PAK5: variants seen among roughly 807,000 people sequenced by gnomAD.
PAK5 encodes p21 (RAC1) activated kinase 5.
Under a neutral mutation model 65.9 loss-of-function variants are expected in PAK5, and 16 were observed. That is an observed-to-expected ratio of 0.24 (90% confidence interval 0.16 to 0.37). The LOEUF (loss-of-function observed/expected upper bound fraction) is 0.37, where lower values mean the gene tolerates loss of function less well. PAK5 is among the 10% of genes least tolerant of loss of function. PAK5 has a pLI of 1.00. For missense variants in PAK5, 785 were observed against 903.9 expected, an observed-to-expected ratio of 0.87 and a Z score of 1.69; for synonymous variants, 371 against 354.9, an observed-to-expected ratio of 1.05 and a Z score of -0.51.
In PAK5 at chr20:9,600,434, C is replaced by T. The variant is rs541411074; in HGVS notation, c.205-19504G>A. 9.2e-5 allele frequency among the ~76,000 whole-genome samples: 14 copies of T among 152,268 alleles called. No individual in the cohort carries two copies. In the East Asian group the frequency reaches 1.5e-3, roughly 17 times the overall value. On this transcript the variant is annotated intron_variant, in intron 3 of 9. Transcript: ENST00000353224. ...TTGGATTGAACCTATGGATGACTTT[C>T]GTAGCATTTTCACCTTAACAATATT... is the stretch of plus-strand genomic sequence containing the variant.
intron 1 of PAK5, among the ~76,000 whole-genome samples, chr20:9,747,458 C>A (rs922100404): frequency 6.6e-6 from 1 of 151,562 alleles, no homozygotes. Context: ...CAAACCGAAT[C>A]CAGCAGCACA....
intron 2 of PAK5, among the ~76,000 whole-genome samples, chr20:9,685,159 T>C (rs1036109433): frequency 6.6e-6 from 1 of 152,334 alleles, no homozygotes; most frequent in East Asian, 1.9e-4. Flanking sequence ...GAGTATCTTT[T>C]TAAGCATTTT....
At chr20:9,671,907 A>T (rs1300445407) in intron 2 of PAK5, among the ~76,000 whole-genome samples, 5 of 152,128 alleles carry the variant, frequency 3.3e-5, no homozygotes, top group African/African-American at 1.2e-4. Context: ...GGTACCCCTG[A>T]CTTTAAAATA....
chr20:9,771,244 A>T (rs1164495100), intron 1 of PAK5, among the ~76,000 whole-genome samples: 3 of 152,124 alleles, frequency 2.0e-5, no homozygotes, highest in African/African-American at 4.8e-5. Flanking sequence ...TCACTTTTTG[A>T]TAGAGAACAT....
chr20:9,541,288 T>C (rs1169840423), intron 9 of PAK5, among the ~76,000 whole-genome samples: 8 of 152,170 alleles, frequency 5.3e-5, no homozygotes, highest in Admixed American at 5.2e-4. Flanking sequence ...GTAGTAGTCC[T>C]GCAGAAATGA....
intron 1 of PAK5, among the ~76,000 whole-genome samples, chr20:9,804,081 A>G (rs1409709189): frequency 6.6e-6 from 1 of 152,128 alleles, no homozygotes; most frequent in Admixed American, 6.6e-5. Flanking sequence ...GTGGATCATC[A>G]TCATTACCTG....
chr20:9,597,024 T>C (rs1470754545), intron 3 of PAK5, among the ~76,000 whole-genome samples: 1 of 152,216 alleles, frequency 6.6e-6, no homozygotes, highest in Admixed American at 6.5e-5. Context: ...TGTGTTCCCT[T>C]GGTGGCTGAA....
intron 3 of PAK5, among the ~76,000 whole-genome samples, chr20:9,603,725 C>G (rs143395558): frequency 6.6e-6 from 1 of 152,048 alleles, no homozygotes; most frequent in Non-Finnish European, 1.5e-5. Context: ...CTATACACAC[C>G]CTTTGAAGTG....
rs554295903 is a variant in PAK5 at position 9,544,450 on chromosome 20, C to T, written c.1788G>A (p.Glu596=). The change falls in exon 8 of 10, where the codon GAG becomes GAA. Residue 596 remains glutamate (E), a synonymous_variant. Coordinates refer to ENST00000353224, the MANE Select transcript of PAK5 (RefSeq NM_177990.4). ...CAACCAATGATTTCCTCTTCGGCAC[C>T]TCTTTGGAAACTTGAGCACAGAAAC... ...DFGFCAQVSK[E]VPKRKSLVGT... 3.7e-5 allele frequency: 59 copies of T among 1,613,918 alleles called. 1 individual carries two copies. In the South Asian group the frequency reaches 6.0e-4, roughly 17 times the overall value.
intron 1 of PAK5, among the ~76,000 whole-genome samples, chr20:9,747,260 G>A (rs1334495613): frequency 6.6e-6 from 1 of 152,128 alleles, no homozygotes; most frequent in Non-Finnish European, 1.5e-5. Flanking sequence ...AGAGGCACAA[G>A]GAGGAACTGG....
chr20:9,583,947 C>CT lies in PAK5; in HGVS notation c.205-3018dup, dbSNP rs5840323. 4.0e-4 allele frequency among the ~76,000 whole-genome samples: 61 copies of CT among 152,068 alleles called. No homozygotes were observed. In the East Asian group the frequency reaches 5.8e-3, roughly 14 times the overall value. On this transcript the variant is annotated intron_variant, in intron 3 of 9. Coordinates refer to ENST00000353224, the MANE Select transcript of PAK5 (RefSeq NM_177990.4). ...AGTGTTCATAAACTAATATCCTAGT[C>CT]TTTTTTTTGCCTATTCCTTTTTTAT...
rs2045190081 is a variant in PAK5, at chr20:9,537,494, T to C, written c.*1968A>G. ...AACTTTTGGTAAACTCAATGAATACTTTAAAAAATACCCGATGGTAAGAAA... is the reference window on the plus strand; with the variant it reads ...AACTTTTGGTAAACTCAATGAATACCTTAAAAAATACCCGATGGTAAGAAA... On this transcript the variant is annotated 3_prime_UTR_variant, in exon 10 of 10. Transcript: ENST00000353224. 4.7e-6 allele frequency: 1 copy of C among 211,920 alleles called. No individual in the cohort carries two copies. Among genetic ancestry groups the C allele is most frequent in the African/African-American group, 2.3e-5 (1 of 44,122 alleles). 13.1% of individuals were successfully genotyped at this position (211,920 alleles called of 1,614,324 possible).
Position 9,597,436 on chromosome 20 carries a change from T to C in PAK5, c.205-16506A>G, listed in dbSNP as rs568288763. On this transcript the variant is annotated intron_variant, in intron 3 of 9. Transcript: ENST00000353224. ...TCCTAAAACAAGCACTGACCCTTTA[T>C]GTGAACAAATCCTAGGTTACTTACA... Among the ~76,000 whole-genome samples the C allele has an allele frequency of 1.2e-4, 19 of 152,372 alleles. 1 individual carries two copies. In the South Asian group the frequency reaches 1.7e-3, roughly 13 times the overall value.
intron 3 of PAK5, among the ~76,000 whole-genome samples, chr20:9,584,405 C>T (rs760069690): frequency 1.2e-4 from 19 of 152,194 alleles, no homozygotes; most frequent in Non-Finnish European, 2.2e-4. Context: ...CTCCGCCTCC[C>T]GGGTTCAAGT....
intron 1 of PAK5, among the ~76,000 whole-genome samples, chr20:9,767,615 T>A (rs1369842768): frequency 6.6e-6 from 1 of 152,194 alleles, no homozygotes; most frequent in African/African-American, 2.4e-5. Flanking sequence ...AGTGCCCATT[T>A]CCAGGCAATA....
At chr20:9,787,374 G>A (rs1202105109) in intron 1 of PAK5, among the ~76,000 whole-genome samples, 1 of 152,158 alleles carries the variant, frequency 6.6e-6, no homozygotes, top group Non-Finnish European at 1.5e-5. Context: ...CCTGTGCCTG[G>A]AGTGCTTGTC....
chr20:9,603,405 C>T (rs2046394682), intron 3 of PAK5, among the ~76,000 whole-genome samples: 1 of 152,152 alleles, frequency 6.6e-6, no homozygotes, highest in Non-Finnish European at 1.5e-5. Context: ...CCATTCATTC[C>T]ACCTCATTCC....
intron 4 of PAK5, among the ~76,000 whole-genome samples, chr20:9,569,157 G>C (rs1171335850): frequency 6.6e-6 from 1 of 152,058 alleles, no homozygotes; most frequent in Non-Finnish European, 1.5e-5. Flanking sequence ...ACTATTTTTT[G>C]CTTCATGAGG....
chr20:9,721,179 C>T (rs1284728016), intron 1 of PAK5, among the ~76,000 whole-genome samples: 1 of 152,160 alleles, frequency 6.6e-6, no homozygotes, highest in Non-Finnish European at 1.5e-5. Context: ...CTGCCAAAGA[C>T]GTCTCTCTGT....
Sources: allele counts gnomAD v4.1 joint callset (sites outside exome capture counted in the v4.1 genomes callset), GRCh38; gene constraint gnomAD v4.1.1; transcripts MANE v1.5; gene names NCBI Gene and HGNC (gene_info 2026-07-23, HGNC 2026-07-21).